The following RPTOR variants were observed in gnomAD, a reference collection of about 807,000 sequenced individuals.
RPTOR encodes regulatory-associated protein of mTOR.
In RPTOR, 21 loss-of-function variants were observed where a neutral mutation model predicts 169.9. That is an observed-to-expected ratio of 0.12 (90% CI 0.09 to 0.18). The LOEUF is 0.18. Ranked by LOEUF, RPTOR falls within the 10% of genes least tolerant of loss-of-function variation. The probability of loss-of-function intolerance (pLI) is 1.00; values close to 1 mark genes in which losing one functional copy is unlikely to be tolerated. For synonymous variants in RPTOR, 732 were observed against 753.2 expected, an observed-to-expected ratio of 0.97 and a Z score of 0.46; for missense variants, 1,133 against 1,855.9, an observed-to-expected ratio of 0.61 and a Z score of 7.16.
intron 11 of RPTOR, among the ~76,000 whole-genome samples, chr17:80,850,917 T>C (rs1470878031): frequency 1.3e-5 from 2 of 152,194 alleles, no homozygotes; most frequent in Non-Finnish European, 2.9e-5. Context: ...TCTCTTCATA[T>C]ACAAGGCAAA....
chr17:80,634,300 TGTGCGTACTGTGC>T (rs2065470776), intron 2 of RPTOR, among the ~76,000 whole-genome samples: 1 of 148,172 alleles, frequency 6.7e-6, no homozygotes, highest in African/African-American at 2.5e-5. Context: ...GTACTGTGTG[TGTGCGTACTGTGC>T]GTGTGCGTAC....
At position 80,726,781 on chromosome 17, in the gene RPTOR, C is replaced by T. The variant is rs2066338969; in HGVS notation, c.508-3779C>T. 6.6e-6 allele frequency among the ~76,000 whole-genome samples: 1 copy of T among 152,152 alleles called. No homozygotes were observed. The highest frequency in any genetic ancestry group is 1.5e-5 in the Non-Finnish European group (1 of 68,028). On this transcript the variant is annotated intron_variant, in intron 4 of 33. Transcript: ENST00000306801. The surrounding 1 kb of genome is among the most constrained non-coding windows in gnomAD (Gnocchi z 4.5). ...CATTATAGGAGGTAAATAAATAGCA[C>T]GCAGTGTTCTGGGGGTAAAAAGATA...
Position 80,857,893 on chromosome 17 carries a change from T to C in RPTOR, c.1502T>C (p.Val501Ala). 6.2e-7 allele frequency: 1 copy of C among 1,612,718 alleles called. No homozygotes were observed. The highest frequency in any genetic ancestry group is 8.5e-7 in the Non-Finnish European group (1 of 1,179,342). Reference sequence around the variant, plus strand: ...TTCATCTGGGCCAAGATCCTCGCAGTGGACAGCGTGAGTATCCCCGCCCTC... The same window carrying C: ...TTCATCTGGGCCAAGATCCTCGCAGCGGACAGCGTGAGTATCCCCGCCCTC... Reference protein sequence around the residue: ...LVFIWAKILAVDSSCQADLVK... With the variant: ...LVFIWAKILAADSSCQADLVK... Residue 501 changes from valine (V) to alanine (A), a missense_variant, in exon 13 of 34, where the codon GTG becomes GCG. Physicochemically the swap from Val to Ala is moderately conservative, Grantham distance 64. Transcript: ENST00000306801.
At chr17:80,753,178 G>A (rs1199965445) in intron 5 of RPTOR, among the ~76,000 whole-genome samples, 8 of 152,138 alleles carry the variant, frequency 5.3e-5, no homozygotes, top group Admixed American at 1.3e-4. Flanking sequence ...ATGAGTGCTC[G>A]CTCTGTCTGT....
Position 80,545,744 on chromosome 17 carries a change from A to C in RPTOR, c.115A>C (p.Ile39Leu). The part of the protein sequence containing the change: ...AFMKKRHCEK[I>L]EGSKSLAQSW... ...TATGAAAAAGAGGCACTGTGAGAAA[A>C]TTGAAGGCTCCAAATCCTTAGCTCA... The change falls in exon 1 of 34, where the codon ATT (isoleucine) becomes CTT (leucine). Residue 39 changes from isoleucine (I) to leucine (L), a missense_variant. Physicochemically the swap from Ile to Leu is conservative, Grantham distance 5. Coordinates refer to ENST00000306801, the MANE Select transcript of RPTOR (RefSeq NM_020761.3). 1 of 1,613,970 alleles carries C rather than the reference A, an allele frequency of 6.2e-7. No homozygotes were observed. The highest frequency in any genetic ancestry group is 8.5e-7 in the Non-Finnish European group (1 of 1,179,934).
chr17:80,720,681 A>G (rs775850169), intron 4 of RPTOR, among the ~76,000 whole-genome samples: 1 of 152,210 alleles, frequency 6.6e-6, no homozygotes, highest in Non-Finnish European at 1.5e-5. Context: ...CCCTGCATTT[A>G]AAACCACGGT....
At chr17:80,831,588 C>T (rs567700267) in intron 9 of RPTOR, among the ~76,000 whole-genome samples, 7 of 152,206 alleles carry the variant, frequency 4.6e-5, no homozygotes, top group Non-Finnish European at 8.8e-5. Flanking sequence ...CACTGTCCAT[C>T]GGAATCCCGC....
Position 80,685,627 on chromosome 17 carries a change from A to ATTTTTTTTT in RPTOR, c.349-22192_349-22184dup, listed in dbSNP as rs1165540456. 2.6e-4 allele frequency among the ~76,000 whole-genome samples: 8 copies of ATTTTTTTTT among 30,672 alleles called. 2 individuals carry two copies. Among genetic ancestry groups the ATTTTTTTTT allele is most frequent in the Admixed American group, 1.1e-3 (2 of 1,886 alleles). 20.1% of individuals were successfully genotyped at this position (30,672 alleles called of 152,430 possible). The stretch of plus-strand genomic sequence containing the variant: ...CATATATATATATATATATATATAT[A>ATTTTTTTTT]TTTTTTTTTTTTTTTTTTTTTTTTT... On this transcript the variant is annotated intron_variant, in intron 3 of 33. Coordinates refer to ENST00000306801, the MANE Select transcript of RPTOR (RefSeq NM_020761.3).
Position 80,860,658 on chromosome 17 carries a change from T to C in RPTOR, c.1509+2758T>C, listed in dbSNP as rs1181328361. On this transcript the variant is annotated intron_variant, in intron 13 of 33. Coordinates refer to ENST00000306801, the MANE Select transcript of RPTOR (RefSeq NM_020761.3). This position sits in a 1 kb window ranked among gnomAD's most constrained non-coding sequence, Gnocchi z 5.8. ...AGGCGTCAGTCGTACCCAGCACCAG[T>C]TGACCTCTCGCTGGTTCCGCTGATT... 6.6e-6 allele frequency among the ~76,000 whole-genome samples: 1 copy of C among 152,118 alleles called. No homozygotes were observed. Among genetic ancestry groups the C allele is most frequent in the African/African-American group, 2.4e-5 (1 of 41,418 alleles).
Position 80,625,800 on chromosome 17 carries a change from A to T in RPTOR, c.265+7A>T, listed in dbSNP as rs377697497. On this transcript the variant is annotated splice_region_variant and intron_variant, in intron 2 of 33. Coordinates refer to ENST00000306801, the MANE Select transcript of RPTOR (RefSeq NM_020761.3). ...CGCTTGGAATGCTGGATCGGTGAGT[A>T]TGCCTCCCTCACGCGCTGCCACAAA... 169 of 1,594,958 alleles carry T rather than the reference A, an allele frequency of 1.1e-4. No individual in the cohort carries two copies. The African/African-American group carries it at 1.9e-3, about 18-fold the overall frequency.
At chr17:80,907,637 G>GC (rs1043652955) in intron 20 of RPTOR, among the ~76,000 whole-genome samples, 1 of 151,920 alleles carries the variant, frequency 6.6e-6, no homozygotes, top group Non-Finnish European at 1.5e-5. Flanking sequence ...GCCCGTGCCT[G>GC]CCCCCCCTTC....
chr17:80,709,454 A>T (rs1400421890), intron 4 of RPTOR, among the ~76,000 whole-genome samples: 1 of 152,092 alleles, frequency 6.6e-6, no homozygotes, highest in East Asian at 1.9e-4. Flanking sequence ...CGCTGCTGAT[A>T]CGCTGGGCGG....
intron 23 of RPTOR, chr17:80,923,998 A>T (rs1310249681): frequency 2.6e-6 from 1 of 380,674 alleles, no homozygotes; most frequent in Non-Finnish European, 4.8e-6. Flanking sequence ...CCATGTAACG[A>T]AACAGGAGCA....
chr17:80,910,884 G>A (rs963851918), intron 21 of RPTOR, among the ~76,000 whole-genome samples: 5 of 149,804 alleles, frequency 3.3e-5, no homozygotes, highest in Admixed American at 1.3e-4. Context: ...AGGCTGGAGT[G>A]CAGTGGCACA....
intron 4 of RPTOR, among the ~76,000 whole-genome samples, chr17:80,713,911 A>C (rs190652558): frequency 6.6e-6 from 1 of 152,316 alleles, no homozygotes; most frequent in Non-Finnish European, 1.5e-5. Flanking sequence ...TTAAACTGAT[A>C]GTTAAAAATT....
At chr17:80,773,940 G>T (rs1183443495) in intron 6 of RPTOR, 6 of 984,926 alleles carry the variant, frequency 6.1e-6, no homozygotes, top group Middle Eastern at 5.2e-4. Flanking sequence ...TATGCGGCCT[G>T]CCCTGGGGGC....
At chr17:80,700,781 A>ATGGTGGTGGTGGTGG (rs1491063957) in intron 3 of RPTOR, among the ~76,000 whole-genome samples, 21 of 3,000 alleles carry the variant, frequency 7.0e-3, no homozygotes, top group African/African-American at 0.019. Flanking sequence ...GGTAGAGATG[A>ATGGTGGTGGTGGTGG]TGATGGTGGT....
intron 6 of RPTOR, among the ~76,000 whole-genome samples, chr17:80,788,931 C>T (rs2067020184): frequency 6.6e-6 from 1 of 152,154 alleles, no homozygotes; most frequent in East Asian, 1.9e-4. Flanking sequence ...AATGTGAAAC[C>T]AGTTGTTAGC....
chr17:80,856,208 A>G (rs997707164), intron 12 of RPTOR, among the ~76,000 whole-genome samples: 3 of 152,232 alleles, frequency 2.0e-5, no homozygotes, highest in Non-Finnish European at 4.4e-5. Context: ...ATACTCATAA[A>G]ACAATTAGAA....
Sources: gnomAD v4.1 joint callset for allele counts (sites outside exome capture counted in the v4.1 genomes callset) on GRCh38, gnomAD v4.1.1 for gene constraint, Gnocchi (gnomAD v3.1) non-coding constraint, MANE v1.5 for transcripts, NCBI Gene and HGNC (gene_info 2026-07-23, HGNC 2026-07-21) for gene names.